Variants in MACROD1 observed in about 807,000 individuals in gnomAD.
MACROD1 encodes ADP-ribose glycohydrolase MACROD1.
Under a neutral mutation model 41.4 loss-of-function variants are expected in MACROD1, and 31 were observed. That is an observed-to-expected ratio of 0.75 (90% CI 0.56 to 1.01). The LOEUF (loss-of-function observed/expected upper bound fraction) is 1.01. Ranked by LOEUF, MACROD1 falls within the 50% of genes least tolerant of loss-of-function variation. MACROD1 has a pLI of 0.00. For missense variants in MACROD1, 473 were observed against 460.0 expected (o/e 1.03, Z -0.26); for synonymous variants, 252 against 203.4 (o/e 1.24, Z -2.03).
intron 3 of MACROD1, among the ~76,000 whole-genome samples, chr11:64,046,093 AAGGTCACAC>A (rs61524414): frequency 0.3 from 46,290 of 151,788 alleles, 8,048 homozygotes; most frequent in African/African-American, 0.48. Context: ...ACAGGCAGCC[AAGGTCACAC>A]AGGTCACACA....
intron 3 of MACROD1, among the ~76,000 whole-genome samples, chr11:64,092,507 A>C (rs1453577882): frequency 6.6e-6 from 1 of 152,216 alleles, no homozygotes; most frequent in Non-Finnish European, 1.5e-5. Context: ...CACAGCATCC[A>C]CGATGGGAGG....
chr11:64,104,444 G>A (rs1374367501), intron 3 of MACROD1, among the ~76,000 whole-genome samples: 1 of 152,110 alleles, frequency 6.6e-6, no homozygotes, highest in East Asian at 1.9e-4. Context: ...CCAGCAGCTG[G>A]ACCCAGGATG....
At position 64,096,807 on chromosome 11, in the gene MACROD1, G is replaced by A. The variant is rs1944584506; in HGVS notation, c.517+54432C>T. Among the ~76,000 whole-genome samples, 1 of 152,200 alleles carries A rather than the reference G, an allele frequency of 6.6e-6. No homozygotes were observed. Among genetic ancestry groups the A allele is most frequent in the Admixed American group, 6.5e-5 (1 of 15,286 alleles). On this transcript the variant is annotated intron_variant, in intron 3 of 10. Transcript: ENST00000255681. This position sits in a 1 kb window ranked among gnomAD's most constrained non-coding sequence, Gnocchi z 4.6. The stretch of plus-strand genomic sequence containing the variant: ...TGAGGGGAAGAGGGCAGGCCTGTGG[G>A]GGGCTGCCGTGTCCCCATACCCTCC...
rs71045724 is a variant in MACROD1, at chr11:64,041,199, TAAAAA to T, written c.518-25923_518-25919del. ...AGATTACAACAGATTTAGCAAACTG[TAAAAA>T]AAAAAAAAAAAAAAAAAAAAAAAAA... On this transcript the variant is annotated intron_variant, in intron 3 of 10. Transcript: ENST00000255681. Among the ~76,000 whole-genome samples the T allele has an allele frequency of 3.2e-4, 7 of 21,606 alleles. No individual in the cohort carries two copies. In the South Asian group the frequency reaches 0.023, roughly 72 times the overall value. 14.2% of individuals were successfully genotyped at this position (21,606 alleles called of 152,430 possible). A position where few individuals can be genotyped will look rare whatever the true frequency, so the allele number is the denominator to read the frequency against.
chr11:64,011,770 C>G (rs544543538), intron 4 of MACROD1, among the ~76,000 whole-genome samples: 1 of 151,618 alleles, frequency 6.6e-6, no homozygotes, highest in African/African-American at 2.4e-5. Context: ...GGGAGGGGCG[C>G]GGGTAGAGGC....
chr11:64,007,999 G>A (rs567827380), intron 4 of MACROD1, among the ~76,000 whole-genome samples: 3 of 152,268 alleles, frequency 2.0e-5, no homozygotes, highest in Non-Finnish European at 4.4e-5. Flanking sequence ...CCTAGCGGCC[G>A]CGGGAAGCAA....
chr11:64,070,329 G>A (rs546906309), intron 3 of MACROD1, among the ~76,000 whole-genome samples: 4 of 152,210 alleles, frequency 2.6e-5, no homozygotes, highest in South Asian at 2.1e-4. Flanking sequence ...TGGGGGCCTC[G>A]GAGCTGTGAC....
rs370410537 is a variant in MACROD1 at position 64,116,518 on chromosome 11, C to T, written c.517+34721G>A. 2.1e-4 allele frequency: 340 copies of T among 1,613,906 alleles called. No homozygotes were observed. The highest frequency in any genetic ancestry group is 2.8e-4 in the Non-Finnish European group (328 of 1,179,968). ...CCCGCAGATATCCCTGATGATGCCACCACCCTCTACCTGCAGAACAACCAG... is the reference window on the plus strand; with the variant it reads ...CCCGCAGATATCCCTGATGATGCCATCACCCTCTACCTGCAGAACAACCAG... On this transcript the variant is annotated intron_variant, in intron 3 of 10. Transcript: ENST00000255681.
chr11:64,156,303 A>G (rs895626541), intron 1 of MACROD1, among the ~76,000 whole-genome samples: 2 of 152,100 alleles, frequency 1.3e-5, no homozygotes, highest in Admixed American at 6.6e-5. Flanking sequence ...TTGAATCCCC[A>G]TATTTGTCAC....
At chr11:64,070,632 C>G (rs544658805) in intron 3 of MACROD1, among the ~76,000 whole-genome samples, 5 of 152,336 alleles carry the variant, frequency 3.3e-5, no homozygotes, top group African/African-American at 1.2e-4. Context: ...AGCACCATAA[C>G]TAACACTCGG....
At chr11:64,141,211 G>A (rs1200872075) in intron 3 of MACROD1, among the ~76,000 whole-genome samples, 1 of 152,212 alleles carries the variant, frequency 6.6e-6, no homozygotes, top group Non-Finnish European at 1.5e-5. Context: ...CGGGGCCTGG[G>A]TCCTTGACTG....
intron 3 of MACROD1, among the ~76,000 whole-genome samples, 170 bp downstream of exon 3, chr11:64,151,069 G>A (rs867755096): frequency 6.6e-6 from 1 of 152,364 alleles, no homozygotes; most frequent in South Asian, 2.1e-4. Flanking sequence ...TTCAAGGGAA[G>A]AGGAGCCCGA....
chr11:64,141,121 C>T (rs905793099), intron 3 of MACROD1, among the ~76,000 whole-genome samples: 1 of 152,196 alleles, frequency 6.6e-6, no homozygotes, highest in Non-Finnish European at 1.5e-5. Context: ...GGTGGCAGAG[C>T]AAGACCCTAT....
chr11:64,014,339 A>G (rs1000308762), intron 4 of MACROD1, among the ~76,000 whole-genome samples: 1 of 152,086 alleles, frequency 6.6e-6, no homozygotes, highest in African/African-American at 2.4e-5. Context: ...AGGAGGGAAA[A>G]CATCTCAGCC....
At chr11:64,015,312 TGGG>T (rs1440844369) in intron 3 of MACROD1, 31 bp from the exon 4 acceptor site, 1 of 1,593,960 alleles carries the variant, frequency 6.3e-7, no homozygotes, top group South Asian at 1.1e-5. Context: ...GGCAGATCAG[TGGG>T]GAAGGGGCTG....
rs557413519 is a variant in MACROD1, at chr11:64,099,435, G to A, written c.517+51804C>T. Among the ~76,000 whole-genome samples, 7 of 152,368 alleles carry A rather than the reference G, an allele frequency of 4.6e-5. No individual in the cohort carries two copies. The South Asian group carries it at 1.4e-3, about 32-fold the overall frequency. On this transcript the variant is annotated intron_variant, in intron 3 of 10. Transcript: ENST00000255681. The stretch of plus-strand genomic sequence containing the variant: ...TGTTTGCTGGATGGAGAGATGGGTA[G>A]ATGGAAAGATGGAGAAATGGATAGG...
chr11:64,114,256 GTGGATGGA>G (rs1555025643), intron 3 of MACROD1, among the ~76,000 whole-genome samples: 5 of 137,904 alleles, frequency 3.6e-5, no homozygotes, highest in Non-Finnish European at 6.2e-5. Context: ...GGATGGTTAG[GTGGATGGA>G]TGGATGGATG....
At chr11:64,088,913 GGGTTAGGAAACCAACAGGGGAA>G (rs1238645869) in intron 3 of MACROD1, among the ~76,000 whole-genome samples, 1 of 152,138 alleles carries the variant, frequency 6.6e-6, no homozygotes, top group Non-Finnish European at 1.5e-5. Context: ...GTCATGGGCG[GGGTTAGGAAACCAACAGGGGAA>G]GGTGGGCAGC....
At chr11:64,087,382 G>A (rs900626931) in intron 3 of MACROD1, among the ~76,000 whole-genome samples, 1 of 152,126 alleles carries the variant, frequency 6.6e-6, no homozygotes, top group Non-Finnish European at 1.5e-5. Flanking sequence ...CTGTAGCCCT[G>A]ACCACAGGCC....
Sources: gnomAD v4.1 joint callset for allele counts (sites outside exome capture counted in the v4.1 genomes callset) on GRCh38, gnomAD v4.1.1 for gene constraint, Gnocchi (gnomAD v3.1) non-coding constraint, MANE v1.5 for transcripts, NCBI Gene and HGNC (gene_info 2026-07-23, HGNC 2026-07-21) for gene names.